Variants in TENM4 observed in about 807,000 individuals in gnomAD.
TENM4 encodes teneurin transmembrane protein 4.
A neutral mutation model predicts 243.3 loss-of-function variants in TENM4; 82 were observed. The ratio of observed to expected loss-of-function variants is 0.34; its 90% CI spans 0.28 to 0.40. The LOEUF (loss-of-function observed/expected upper bound fraction) is 0.40. Ranked by LOEUF, TENM4 falls within the 10% of genes least tolerant of loss-of-function variation. TENM4 has a pLI of 1.00. For synonymous variants in TENM4, 1,412 were observed against 1,456.3 expected (o/e 0.97, Z 0.69); for missense variants, 3,138 against 3,673.3 (o/e 0.85, Z 3.77).
chr11:79,205,181 T>C (rs1413438328), intron 3 of TENM4, among the ~76,000 whole-genome samples: 1 of 152,176 alleles, frequency 6.6e-6, no homozygotes, highest in African/African-American at 2.4e-5. Context: ...TAATTAAGGG[T>C]TCACATGCAG....
chr11:78,888,808 T>A (rs114302234), intron 9 of TENM4, among the ~76,000 whole-genome samples: 121 of 152,324 alleles, frequency 7.9e-4, no homozygotes, highest in Middle Eastern at 3.4e-3. Flanking sequence ...TATCTTAGAA[T>A]TCCTTAGCAT....
At chr11:78,750,146 G>A (rs138036632) in intron 19 of TENM4, among the ~76,000 whole-genome samples, 90 of 152,278 alleles carry the variant, frequency 5.9e-4, no homozygotes, top group African/African-American at 2.1e-3. Context: ...CTACAATCCT[G>A]TTCAACTGAA....
chr11:78,905,520 C>T lies in TENM4; in HGVS notation c.494-1997G>A, dbSNP rs573087849. On this transcript the variant is annotated intron_variant, in intron 6 of 33. Coordinates refer to ENST00000278550, the MANE Select transcript of TENM4 (RefSeq NM_001098816.3). ...ACCTGGCTTATTAATACAAAACCCT[C>T]CGGAATCCGATCCATGTCTTCCAGC... 3.3e-5 allele frequency among the ~76,000 whole-genome samples: 5 copies of T among 152,312 alleles called. No individual in the cohort carries two copies. In the East Asian group the frequency reaches 9.6e-4, roughly 29 times the overall value.
rs764780915 is a variant in TENM4, at chr11:79,063,601, A to T, written c.493+1137T>A. Among the ~76,000 whole-genome samples, 22 of 152,176 alleles carry T rather than the reference A, an allele frequency of 1.4e-4. 1 individual carries two copies. Among genetic ancestry groups the T allele is most frequent in the Middle Eastern group, 3.2e-3 (1 of 316 alleles). On this transcript the variant is annotated intron_variant, in intron 6 of 33. Transcript: ENST00000278550. ...ACCTCGGTGCTGACCTGGCTCAGCA[A>T]AGCTGCCCAAGGGCTGGTAGGGCAT...
chr11:78,973,733 G>C (rs1420154509), intron 6 of TENM4, among the ~76,000 whole-genome samples: 1 of 151,232 alleles, frequency 6.6e-6, no homozygotes, highest in African/African-American at 2.4e-5. Flanking sequence ...TATTAGGCTG[G>C]TGCAAAAGTA....
At chr11:79,021,167 C>G (rs1202718203) in intron 6 of TENM4, among the ~76,000 whole-genome samples, 3 of 152,206 alleles carry the variant, frequency 2.0e-5, no homozygotes, top group African/African-American at 7.2e-5. Context: ...ACTCTTTATT[C>G]TACCCAGCCC....
At chr11:78,903,796 G>T (rs949117839) in intron 6 of TENM4, 1 of 695,780 alleles carries the variant, frequency 1.4e-6, no homozygotes, top group Non-Finnish European at 2.6e-6. Flanking sequence ...ACATAAAAAA[G>T]ACTAGTTACC....
At chr11:78,674,649 A>C (rs1257162928) in intron 30 of TENM4, among the ~76,000 whole-genome samples, 1 of 149,304 alleles carries the variant, frequency 6.7e-6, no homozygotes, top group Non-Finnish European at 1.5e-5. Context: ...AGGCGCATGC[A>C]GGAGTCTGCG....
At chr11:79,257,840 T>C (rs189713807) in intron 2 of TENM4, among the ~76,000 whole-genome samples, 219 of 152,280 alleles carry the variant, frequency 1.4e-3, no homozygotes, top group Non-Finnish European at 2.4e-3. Context: ...ATGCTATCAT[T>C]AAGGATCATC....
At chr11:78,807,372 A>G (rs1005297189) in intron 14 of TENM4, among the ~76,000 whole-genome samples, 2 of 152,172 alleles carry the variant, frequency 1.3e-5, no homozygotes, top group Non-Finnish European at 2.9e-5. Context: ...GCTCTGTCTG[A>G]TCCTGAGGCC....
chr11:79,094,089 G>T (rs1323113967), intron 4 of TENM4, among the ~76,000 whole-genome samples: 1 of 152,238 alleles, frequency 6.6e-6, no homozygotes, highest in African/African-American at 2.4e-5. Context: ...CATGGCGGAA[G>T]GTTCCACTGG....
At chr11:79,002,582 G>C (rs1375475636) in intron 6 of TENM4, among the ~76,000 whole-genome samples, 29 of 152,196 alleles carry the variant, frequency 1.9e-4, no homozygotes, top group Non-Finnish European at 1.3e-4. Flanking sequence ...GGCTAGTTGA[G>C]TGAATCCACC....
At chr11:79,432,433 G>T (rs1164437530) in intron 1 of TENM4, among the ~76,000 whole-genome samples, 1 of 152,214 alleles carries the variant, frequency 6.6e-6, no homozygotes, top group East Asian at 1.9e-4. Flanking sequence ...TCAAAGCAGA[G>T]CTGGGTTTAT....
In TENM4 at chr11:79,416,378, G is replaced by A. The variant is rs188048432; in HGVS notation, c.-321+24131C>T. ...TGTTGCTCCATATCCTCACCAACAC[G>A]TGTATGGTCAGTCTTTTTAATTTTA... is the stretch of plus-strand genomic sequence containing the variant. On this transcript the variant is annotated intron_variant, in intron 1 of 33. Coordinates refer to ENST00000278550, the MANE Select transcript of TENM4 (RefSeq NM_001098816.3). Among the ~76,000 whole-genome samples the A allele has an allele frequency of 2.9e-4, 44 of 152,270 alleles. No individual in the cohort carries two copies. The East Asian group carries it at 7.7e-3, about 27-fold the overall frequency.
At chr11:79,386,149 C>G (rs1185272708) in intron 1 of TENM4, among the ~76,000 whole-genome samples, 4 of 152,156 alleles carry the variant, frequency 2.6e-5, no homozygotes, top group African/African-American at 7.2e-5. Context: ...AAAGGTGACC[C>G]TGTGGTACCG....
Position 78,658,846 on chromosome 11 carries a change from T to A in TENM4, c.7552-30A>T, listed in dbSNP as rs1434005676. On this transcript the variant is annotated intron_variant, in intron 33 of 33. Coordinates refer to ENST00000278550, the MANE Select transcript of TENM4 (RefSeq NM_001098816.3). ...TGGGGGAGGAGAGTGAGAGAGAGAG[T>A]AAGACAAAGGGGAAAAAACCCTGAG... is the stretch of plus-strand genomic sequence containing the variant. 3 of 1,586,212 alleles carry A rather than the reference T, an allele frequency of 1.9e-6. No homozygotes were observed. The Admixed American group carries it at 5.2e-5, about 28-fold the overall frequency.
intron 3 of TENM4, among the ~76,000 whole-genome samples, chr11:79,165,929 G>C (rs56912400): frequency 0.084 from 12,708 of 152,168 alleles, 1,112 homozygotes; most frequent in East Asian, 0.44. Context: ...TGTTTGCTTT[G>C]TTGAAGATCA....
chr11:78,661,326 C>T, intron 33 of TENM4, 123 bp downstream of exon 33: 2 of 1,295,558 alleles, frequency 1.5e-6, no homozygotes. Flanking sequence ...CAACCTCTGG[C>T]AGGCACTGTG....
At chr11:78,925,183 C>T (rs759329947) in intron 6 of TENM4, among the ~76,000 whole-genome samples, 1 of 152,046 alleles carries the variant, frequency 6.6e-6, no homozygotes, top group Non-Finnish European at 1.5e-5. Context: ...GAGCAAAGAG[C>T]GTCAACTGAG....
Sources: allele counts gnomAD v4.1 joint callset (sites outside exome capture counted in the v4.1 genomes callset), GRCh38; gene constraint gnomAD v4.1.1; transcripts MANE v1.5; gene names NCBI Gene and HGNC (gene_info 2026-07-23, HGNC 2026-07-21).